CCDC88A: variants seen among roughly 807,000 people sequenced by gnomAD.
CCDC88A encodes the protein girdin.
In CCDC88A, 54 loss-of-function variants were observed where a neutral mutation model predicts 234.3. The ratio of observed to expected loss-of-function variants is 0.23; its 90% CI spans 0.19 to 0.29. CCDC88A has a LOEUF of 0.29. Ranked by LOEUF, CCDC88A falls within the 10% of genes least tolerant of loss-of-function variation. The probability of loss-of-function intolerance (pLI) is 1.00; values close to 1 mark genes in which losing one functional copy is unlikely to be tolerated. For missense variants in CCDC88A, 1,832 were observed against 2,123.4 expected, an observed-to-expected ratio of 0.86 and a Z score of 2.70; for synonymous variants, 753 against 737.8, an observed-to-expected ratio of 1.02 and a Z score of -0.33.
chr2:55,384,905 T>C (rs900499917), intron 3 of CCDC88A, among the ~76,000 whole-genome samples: 1 of 151,740 alleles, frequency 6.6e-6, no homozygotes, highest in Non-Finnish European at 1.5e-5. Flanking sequence ...GATCCACCCA[T>C]CTTGGCCTTC....
intron 5 of CCDC88A, among the ~76,000 whole-genome samples, chr2:55,371,507 CAT>C (rs1672844039): frequency 6.6e-6 from 1 of 151,976 alleles, no homozygotes. Context: ...AAATGAAAAA[CAT>C]AGTATAATAG....
At chr2:55,399,760 G>A (rs1291602070) in intron 2 of CCDC88A, 1 of 152,122 alleles carries the variant, frequency 6.6e-6, no homozygotes, top group Admixed American at 6.5e-5. Flanking sequence ...ATTTGATAAA[G>A]CTATCTCTGC....
chr2:55,382,056 A>G (rs1274099391), intron 3 of CCDC88A, among the ~76,000 whole-genome samples: 1 of 152,190 alleles, frequency 6.6e-6, no homozygotes, highest in African/African-American at 2.4e-5. Flanking sequence ...GAAAAATTAA[A>G]TCAATGGCAT....
intron 2 of CCDC88A, among the ~76,000 whole-genome samples, chr2:55,393,635 C>A (rs1677063225): frequency 1.3e-5 from 2 of 151,900 alleles, no homozygotes; most frequent in African/African-American, 4.8e-5. Context: ...TAATTAACCA[C>A]CTTTCAAAAC....
At chr2:55,330,327 G>A (rs560234638) in intron 16 of CCDC88A, among the ~76,000 whole-genome samples, 1 of 151,674 alleles carries the variant, frequency 6.6e-6, no homozygotes, top group East Asian at 2.0e-4. Flanking sequence ...TACAAAATTA[G>A]CCAGGCATGG....
intron 16 of CCDC88A, among the ~76,000 whole-genome samples, chr2:55,330,805 C>T (rs1031512191): frequency 2.6e-5 from 4 of 152,174 alleles, no homozygotes; most frequent in East Asian, 1.9e-4. Flanking sequence ...TGTCTCTGTG[C>T]TTCCAAATTC....
chr2:55,322,497 A>T (rs1457662645), intron 18 of CCDC88A, 31 bp downstream of exon 18: 7 of 1,343,016 alleles, frequency 5.2e-6, no homozygotes, highest in Non-Finnish European at 7.3e-6. Context: ...TCTAAAAAAA[A>T]CTATTTCTAC....
chr2:55,359,477 C>T (rs1671002560), intron 7 of CCDC88A, among the ~76,000 whole-genome samples: 4 of 151,860 alleles, frequency 2.6e-5, no homozygotes, highest in Admixed American at 2.6e-4. Context: ...TTCTTGAGTT[C>T]AAGGCTTCCT....
At chr2:55,416,090 T>A (rs1681334817) in intron 2 of CCDC88A, among the ~76,000 whole-genome samples, 1 of 151,776 alleles carries the variant, frequency 6.6e-6, no homozygotes, top group Non-Finnish European at 1.5e-5. Flanking sequence ...ACAGACAGAA[T>A]TAGCAGACAT....
At chr2:55,354,276 G>C (rs1670277622) in intron 8 of CCDC88A, among the ~76,000 whole-genome samples, 1 of 151,626 alleles carries the variant, frequency 6.6e-6, no homozygotes, top group South Asian at 2.1e-4. Context: ...AGGTAACTGG[G>C]ACTACCACCA....
At chr2:55,397,493 A>C (rs1022036031) in intron 2 of CCDC88A, 11 of 152,182 alleles carry the variant, frequency 7.2e-5, no homozygotes, top group African/African-American at 2.2e-4. Context: ...TACAATTTGG[A>C]TTATACTAAT....
At chr2:55,382,022 TTATCA>T (rs1674684864) in intron 3 of CCDC88A, among the ~76,000 whole-genome samples, 1 of 152,216 alleles carries the variant, frequency 6.6e-6, no homozygotes, top group South Asian at 2.1e-4. Flanking sequence ...TAAGCCTATT[TTATCA>T]TATTTTAGTA....
intron 29 of CCDC88A, among the ~76,000 whole-genome samples, chr2:55,297,364 T>TAATATATATTATATATAAATATATAA (rs1680270357): frequency 1.0e-5 from 1 of 100,390 alleles, no homozygotes; most frequent in Non-Finnish European, 1.7e-5. Context: ...TAAATATATA[T>TAATATATATTATATATAAATATATAA]AATATATATT....
At chr2:55,378,854 T>C (rs1339398165) in intron 3 of CCDC88A, among the ~76,000 whole-genome samples, 1 of 151,628 alleles carries the variant, frequency 6.6e-6, no homozygotes, top group Non-Finnish European at 1.5e-5. Flanking sequence ...TCAGCGATCC[T>C]CCTGCCTCAG....
intron 29 of CCDC88A, among the ~76,000 whole-genome samples, chr2:55,298,520 T>C (rs1218348402): frequency 1.3e-5 from 2 of 152,110 alleles, no homozygotes; most frequent in Non-Finnish European, 1.5e-5. Flanking sequence ...AAATTACAAC[T>C]GAGACAAAAT....
intron 17 of CCDC88A, among the ~76,000 whole-genome samples, chr2:55,327,814 T>C (rs1684453678): frequency 6.6e-6 from 1 of 152,216 alleles, no homozygotes; most frequent in African/African-American, 2.4e-5. Context: ...CTTCACTGAA[T>C]ACTTTCAAAT....
chr2:55,400,679 T>A (rs1158820511), intron 2 of CCDC88A, among the ~76,000 whole-genome samples: 3 of 152,264 alleles, frequency 2.0e-5, no homozygotes, highest in Admixed American at 2.0e-4. Context: ...ATATCTTTAC[T>A]TATTCATTAA....
At chr2:55,343,565 T>C (rs1430276784) in intron 12 of CCDC88A, 83 bp downstream of exon 12, 5 of 1,027,026 alleles carry the variant, frequency 4.9e-6, no homozygotes, top group Non-Finnish European at 1.4e-6. Context: ...TATCTCCCAC[T>C]GCGGAAAATA....
At chr2:55,382,772 T>A (rs1258345208) in intron 3 of CCDC88A, among the ~76,000 whole-genome samples, 4 of 152,202 alleles carry the variant, frequency 2.6e-5, no homozygotes, top group Non-Finnish European at 4.4e-5. Context: ...ATGAAGTATA[T>A]CTTTGATAAA....
Sources: gnomAD v4.1 joint callset for allele counts (sites outside exome capture counted in the v4.1 genomes callset) on GRCh38, gnomAD v4.1.1 for gene constraint, MANE v1.5 for transcripts, NCBI Gene and HGNC (gene_info 2026-07-23, HGNC 2026-07-21) for gene names.